PPP2R2B: variants seen among roughly 807,000 people sequenced by gnomAD.
PPP2R2B encodes the protein serine/threonine-protein phosphatase 2A 55 kDa regulatory subunit B beta isoform.
Under a neutral mutation model 46.0 loss-of-function variants are expected in PPP2R2B, and 5 were observed. That is an observed-to-expected ratio of 0.11 (90% CI 0.06 to 0.23). The LOEUF (loss-of-function observed/expected upper bound fraction) is 0.23, where lower values mean the gene tolerates loss of function less well. Ranked by LOEUF, PPP2R2B falls within the 10% of genes least tolerant of loss-of-function variation. PPP2R2B has a pLI of 1.00. For synonymous variants in PPP2R2B, 215 were observed against 206.7 expected, an observed-to-expected ratio of 1.04 and a Z score of -0.34; for missense variants, 367 against 575.0, an observed-to-expected ratio of 0.64 and a Z score of 3.70.
intron 1 of PPP2R2B, among the ~76,000 whole-genome samples, chr5:146,932,488 T>C (rs1455422221): frequency 6.6e-6 from 1 of 152,154 alleles, no homozygotes; most frequent in Non-Finnish European, 1.5e-5. Flanking sequence ...TTCCCCTTTT[T>C]GCTTGGCACT....
intron 1 of PPP2R2B, among the ~76,000 whole-genome samples, chr5:147,053,551 C>T (rs1756933563): frequency 6.6e-6 from 1 of 151,546 alleles, no homozygotes; most frequent in South Asian, 2.1e-4. Context: ...TATAAACACA[C>T]ACACACACAC....
At chr5:146,911,878 T>C (rs1042095600) in intron 1 of PPP2R2B, among the ~76,000 whole-genome samples, 2 of 152,226 alleles carry the variant, frequency 1.3e-5, no homozygotes, top group Non-Finnish European at 2.9e-5. Context: ...TAGGGTTTTT[T>C]CAGCACAGTG....
intron 2 of PPP2R2B, among the ~76,000 whole-genome samples, chr5:147,065,833 T>G (rs1396183653): frequency 6.6e-6 from 1 of 152,040 alleles, no homozygotes; most frequent in Non-Finnish European, 1.5e-5. Context: ...TTGCTACTAT[T>G]GACAAAAATG....
At chr5:146,640,859 C>T (rs909900252) in intron 6 of PPP2R2B, among the ~76,000 whole-genome samples, 4 of 152,144 alleles carry the variant, frequency 2.6e-5, no homozygotes, top group African/African-American at 7.2e-5. Flanking sequence ...CGAGATCTGC[C>T]CAGAGCTGCC....
At chr5:146,697,181 G>A (rs1779223401) in intron 4 of PPP2R2B, among the ~76,000 whole-genome samples, 1 of 152,120 alleles carries the variant, frequency 6.6e-6, no homozygotes, top group Admixed American at 6.5e-5. Flanking sequence ...TTTCTTGGGA[G>A]AGAGTGTTTA....
intron 2 of PPP2R2B, among the ~76,000 whole-genome samples, chr5:146,851,287 A>G (rs965998408): frequency 2.0e-5 from 3 of 152,124 alleles, no homozygotes; most frequent in Non-Finnish European, 4.4e-5. Flanking sequence ...CATTTAACAA[A>G]TATTTACTGA....
intron 2 of PPP2R2B, among the ~76,000 whole-genome samples, chr5:146,765,549 T>C (rs898843541): frequency 2.6e-5 from 4 of 152,218 alleles, no homozygotes; most frequent in Non-Finnish European, 5.9e-5. Context: ...ATTGGTAACA[T>C]CTAAATTGCC....
chr5:147,033,548 A>G (rs895235067), intron 1 of PPP2R2B, among the ~76,000 whole-genome samples: 3 of 152,188 alleles, frequency 2.0e-5, no homozygotes, highest in African/African-American at 7.2e-5. Flanking sequence ...CTTTTTGCTT[A>G]GATGACTTCT....
intron 1 of PPP2R2B, among the ~76,000 whole-genome samples, chr5:146,888,972 A>G (rs1304987560): frequency 6.6e-6 from 1 of 152,160 alleles, no homozygotes; most frequent in Admixed American, 6.5e-5. Flanking sequence ...ACTAGACTGT[A>G]TATATTTATT....
At chr5:146,667,616 T>C (rs1777086689) in intron 5 of PPP2R2B, among the ~76,000 whole-genome samples, 1 of 151,912 alleles carries the variant, frequency 6.6e-6, no homozygotes, top group African/African-American at 2.4e-5. Context: ...CAGAAAAATA[T>C]TACAGATCAT....
chr5:147,023,911 A>G (rs1755402498), intron 1 of PPP2R2B, among the ~76,000 whole-genome samples: 1 of 151,848 alleles, frequency 6.6e-6, no homozygotes, highest in Non-Finnish European at 1.5e-5. Flanking sequence ...CCCAGGCATC[A>G]AAACTCCAGG....
chr5:147,045,908 T>C (rs1355627621), intron 1 of PPP2R2B, among the ~76,000 whole-genome samples: 1 of 152,126 alleles, frequency 6.6e-6, no homozygotes, highest in Non-Finnish European at 1.5e-5. Flanking sequence ...TGCTTCCTAG[T>C]TAAGTTTGAC....
intron 2 of PPP2R2B, among the ~76,000 whole-genome samples, chr5:146,752,536 T>C (rs369726061): frequency 1.3e-5 from 2 of 152,206 alleles, no homozygotes; most frequent in South Asian, 2.1e-4. Flanking sequence ...ATAAGTGCCA[T>C]GTCTGCTTAG....
At chr5:146,859,547 C>T (rs1044108247) in intron 2 of PPP2R2B, among the ~76,000 whole-genome samples, 3 of 152,104 alleles carry the variant, frequency 2.0e-5, no homozygotes, top group Non-Finnish European at 4.4e-5. Flanking sequence ...ATGTTGCAAA[C>T]CCCTGTGACA....
At chr5:147,002,309 A>C (rs1178817803) in intron 1 of PPP2R2B, among the ~76,000 whole-genome samples, 1 of 152,156 alleles carries the variant, frequency 6.6e-6, no homozygotes, top group Non-Finnish European at 1.5e-5. Flanking sequence ...GCCTAACAAA[A>C]GCTACTCCTG....
chr5:146,903,802 T>C (rs147791299), intron 1 of PPP2R2B, among the ~76,000 whole-genome samples: 1 of 152,246 alleles, frequency 6.6e-6, no homozygotes, highest in East Asian at 1.9e-4. Flanking sequence ...CCAGGAAAGT[T>C]AAAGTTGTAT....
chr5:147,023,190 A>G (rs1162080645), intron 1 of PPP2R2B, among the ~76,000 whole-genome samples: 2 of 152,236 alleles, frequency 1.3e-5, no homozygotes, highest in Non-Finnish European at 2.9e-5. Context: ...TAAGGTTCTT[A>G]CATTATACGT....
At chr5:146,691,877 C>T (rs565191952) in intron 4 of PPP2R2B, among the ~76,000 whole-genome samples, 5 of 152,090 alleles carry the variant, frequency 3.3e-5, no homozygotes, top group South Asian at 2.1e-4. Context: ...CCCTCTTTTT[C>T]GTATAATTTG....
chr5:147,014,426 C>A (rs1221514904), intron 1 of PPP2R2B, among the ~76,000 whole-genome samples: 1 of 151,284 alleles, frequency 6.6e-6, no homozygotes, highest in Non-Finnish European at 1.5e-5. Flanking sequence ...GCTATAAAGA[C>A]ACATGCACAC....
Sources: allele counts gnomAD v4.1 joint callset (sites outside exome capture counted in the v4.1 genomes callset), GRCh38; gene constraint gnomAD v4.1.1; transcripts MANE v1.5; gene names NCBI Gene and HGNC (gene_info 2026-07-23, HGNC 2026-07-21).